MARCHF8: variants seen among roughly 807,000 people sequenced by gnomAD.
MARCHF8 encodes membrane associated ring-CH-type finger 8, also known as E3 ubiquitin-protein ligase MARCHF8.
A neutral mutation model predicts 51.6 loss-of-function variants in MARCHF8; 40 were observed. The observed-to-expected ratio is 0.77, with a 90% CI of 0.60 to 1.01. The LOEUF (loss-of-function observed/expected upper bound fraction) is 1.01, where lower values mean the gene tolerates loss of function less well. Ranked by LOEUF, MARCHF8 falls within the 50% of genes least tolerant of loss-of-function variation. The probability of loss-of-function intolerance (pLI) is 0.00; values close to 1 mark genes in which losing one functional copy is unlikely to be tolerated. For synonymous variants in MARCHF8, 263 were observed against 280.3 expected, an observed-to-expected ratio of 0.94 and a Z score of 0.62; for missense variants, 685 against 708.6, an observed-to-expected ratio of 0.97 and a Z score of 0.38.
At chr10:45,547,618 T>A (rs1289610890) in intron 1 of MARCHF8, among the ~76,000 whole-genome samples, 1 of 152,134 alleles carries the variant, frequency 6.6e-6, no homozygotes, top group Non-Finnish European at 1.5e-5. Context: ...GTAGCGGTTT[T>A]TTTGTTTTTT....
chr10:45,593,903 A>T (rs1302221753), intron 1 of MARCHF8, among the ~76,000 whole-genome samples: 1 of 152,060 alleles, frequency 6.6e-6, no homozygotes, highest in Non-Finnish European at 1.5e-5. Flanking sequence ...CATTTCCTCA[A>T]CTCCATACAG....
At chr10:45,503,568 T>TAAATAAATAAAA (rs2043322408) in intron 2 of MARCHF8, among the ~76,000 whole-genome samples, 4 of 148,522 alleles carry the variant, frequency 2.7e-5, no homozygotes, top group African/African-American at 9.9e-5. Flanking sequence ...AATAAATAAA[T>TAAATAAATAAAA]AAAATAAAAA....
chr10:45,463,861 C>T lies in MARCHF8; in HGVS notation c.378G>A (p.Ala126=), dbSNP rs566110264. 32 of 1,539,882 alleles carry T rather than the reference C, an allele frequency of 2.1e-5. No homozygotes were observed. Among genetic ancestry groups the T allele is most frequent in the East Asian group, 4.9e-5 (2 of 40,916 alleles). Residue 126 remains alanine, a synonymous_variant, in exon 5 of 8, where the codon GCG becomes GCA. Transcript: ENST00000453424. Reference sequence around the variant, plus strand: ...CTGAACCAAAGGAATTTCTCTTTGACGCCTGTAATGTGTCCTTACAGATAA... The same window carrying T: ...CTGAACCAAAGGAATTTCTCTTTGATGCCTGTAATGTGTCCTTACAGATAA... ...VTVICKDTLQ[A]SKRNSFGSEW...
chr10:45,539,534 G>A (rs544222017), upstream of MARCHF8, among the ~76,000 whole-genome samples: 20 of 152,218 alleles, frequency 1.3e-4, no homozygotes, highest in East Asian at 3.3e-3. Context: ...CCCAGGAGCT[G>A]GTTTTTTGAA....
At position 45,484,863 on chromosome 10, in the gene MARCHF8, G is replaced by T. The variant is rs146685380; in HGVS notation, c.153+4504C>A. Among the ~76,000 whole-genome samples, 706 of 152,282 alleles carry T rather than the reference G, an allele frequency of 4.6e-3. 3 individuals carry two copies. Among genetic ancestry groups the T allele is most frequent in the Non-Finnish European group, 7.6e-3 (518 of 68,026 alleles). On this transcript the variant is annotated intron_variant, in intron 3 of 7. Coordinates refer to ENST00000453424, the MANE Select transcript of MARCHF8 (RefSeq NM_001282866.2). The stretch of plus-strand genomic sequence containing the variant: ...ATCATGACCAAGGGGATATTGCACA[G>T]GATCAGGTTCCAAGTGGCCAGGCCC...
At chr10:45,555,743 CAAAA>C (rs34811393) in intron 1 of MARCHF8, among the ~76,000 whole-genome samples, 2 of 96,150 alleles carry the variant, frequency 2.1e-5, no homozygotes, top group Non-Finnish European at 4.2e-5. Flanking sequence ...GACCCTGTCT[CAAAA>C]AAAAAAAAAA....
intron 2 of MARCHF8, among the ~76,000 whole-genome samples, chr10:45,512,203 G>C (rs1327971215): frequency 6.6e-6 from 1 of 151,224 alleles, no homozygotes; most frequent in Non-Finnish European, 1.5e-5. Flanking sequence ...CCCTCCGCCT[G>C]GCAACCGCCC....
intron 2 of MARCHF8, among the ~76,000 whole-genome samples, chr10:45,515,222 G>C (rs891132127): frequency 6.6e-6 from 1 of 152,168 alleles, no homozygotes; most frequent in Non-Finnish European, 1.5e-5. Context: ...ACTTGAACCA[G>C]AGAAGGGAAG....
rs952407206 is a variant in MARCHF8 at position 45,485,791 on chromosome 10, G to T, written c.153+3576C>A. On this transcript the variant is annotated intron_variant, in intron 3 of 7. Coordinates refer to ENST00000453424, the MANE Select transcript of MARCHF8 (RefSeq NM_001282866.2). ...CTGGCTCATGTGCTGACCCCAGCTG[G>T]GGTCTAAAAGTCAGCAGAAAGTCTC... Among the ~76,000 whole-genome samples, 9 of 152,270 alleles carry T rather than the reference G, an allele frequency of 5.9e-5. 1 individual carries two copies. In the East Asian group the frequency reaches 1.5e-3, roughly 26 times the overall value.
intron 1 of MARCHF8, among the ~76,000 whole-genome samples, chr10:45,584,758 T>C (rs2044600251): frequency 6.6e-6 from 1 of 152,096 alleles, no homozygotes; most frequent in African/African-American, 2.4e-5. Flanking sequence ...ATGGTCTCCA[T>C]CTAGAGAAGG....
At chr10:45,571,439 A>G (rs897181911) in intron 1 of MARCHF8, among the ~76,000 whole-genome samples, 1 of 151,890 alleles carries the variant, frequency 6.6e-6, no homozygotes, top group Non-Finnish European at 1.5e-5. Flanking sequence ...CCCAAATCCT[A>G]TAAAATGGCC....
chr10:45,482,927 G>A (rs1376231157), intron 3 of MARCHF8, among the ~76,000 whole-genome samples: 1 of 152,188 alleles, frequency 6.6e-6, no homozygotes, highest in Non-Finnish European at 1.5e-5. Context: ...CTGGGAAAAT[G>A]AGAGATCCAT....
intron 2 of MARCHF8, among the ~76,000 whole-genome samples, chr10:45,497,780 TA>T (rs2043199024): frequency 6.6e-6 from 1 of 152,090 alleles, no homozygotes; most frequent in South Asian, 2.1e-4. Flanking sequence ...ACAATGCAAC[TA>T]AAATAGTGCT....
intron 2 of MARCHF8, among the ~76,000 whole-genome samples, chr10:45,493,139 A>G (rs970791320): frequency 3.3e-5 from 5 of 152,254 alleles, no homozygotes; most frequent in Non-Finnish European, 1.5e-5. Context: ...TACATAAAGT[A>G]TATCAAGGTG....
At chr10:45,479,300 A>C (rs1381475587) in intron 3 of MARCHF8, among the ~76,000 whole-genome samples, 1 of 152,250 alleles carries the variant, frequency 6.6e-6, no homozygotes, top group Non-Finnish European at 1.5e-5. Context: ...ACATTCCTTC[A>C]TGATAAAAAT....
At chr10:45,593,581 G>A (rs370867223) in intron 1 of MARCHF8, 1 of 152,084 alleles carries the variant, frequency 6.6e-6, no homozygotes, top group East Asian at 1.9e-4. Flanking sequence ...TAACCCATTC[G>A]GTTGGCCTCA....
chr10:45,550,728 G>A (rs879488106), intron 1 of MARCHF8, among the ~76,000 whole-genome samples: 1 of 152,014 alleles, frequency 6.6e-6, no homozygotes, highest in Admixed American at 6.6e-5. Flanking sequence ...TTCTTGGGAT[G>A]CTCTTTCCTC....
At chr10:45,500,461 T>C (rs1445458028) in intron 2 of MARCHF8, among the ~76,000 whole-genome samples, 1 of 152,206 alleles carries the variant, frequency 6.6e-6, no homozygotes, top group Non-Finnish European at 1.5e-5. Flanking sequence ...TTTCCAGTAA[T>C]GTGTTGTACA....
chr10:45,553,381 CAAAG>C lies in MARCHF8; in HGVS notation c.-78-20096_-78-20093del, dbSNP rs375783824. Among the ~76,000 whole-genome samples the C allele has an allele frequency of 4.0e-4, 61 of 152,242 alleles. No homozygotes were observed. In the East Asian group the frequency reaches 8.3e-3, roughly 21 times the overall value. ...CAGAACTGAGAGGACCCATAATACT[CAAAG>C]AAAGATTACTACCCTAGATCACAAG... On this transcript the variant is annotated intron_variant, in intron 1 of 6. Coordinates refer to the MARCHF8 transcript ENST00000319836.
Sources: gnomAD v4.1 joint callset for allele counts (sites outside exome capture counted in the v4.1 genomes callset) on GRCh38, gnomAD v4.1.1 for gene constraint, MANE v1.5 for transcripts, NCBI Gene and HGNC (gene_info 2026-07-23, HGNC 2026-07-21) for gene names.